The following KPNA3 variants were observed in gnomAD, a reference collection of about 807,000 sequenced individuals.
KPNA3 encodes the protein importin subunit alpha-4.
Under a neutral mutation model 73.8 loss-of-function variants are expected in KPNA3, and 13 were observed. The observed-to-expected ratio is 0.18, with a 90% CI of 0.11 to 0.28. The LOEUF (loss-of-function observed/expected upper bound fraction) is 0.28, where lower values mean the gene tolerates loss of function less well. Among genes scored for constraint, KPNA3 ranks in the 10% least tolerant of loss-of-function variants. KPNA3 has a pLI of 1.00. For missense variants in KPNA3, 360 were observed against 618.1 expected (o/e 0.58, Z 4.43); for synonymous variants, 186 against 206.9 (o/e 0.90, Z 0.87).
chr13:49,740,855 G>A (rs767878084), intron 2 of KPNA3, among the ~76,000 whole-genome samples: 1 of 150,458 alleles, frequency 6.6e-6, no homozygotes, highest in Non-Finnish European at 1.5e-5. Flanking sequence ...CATCCTACAT[G>A]AGTCTAGCTT....
intron 6 of KPNA3, among the ~76,000 whole-genome samples, chr13:49,728,860 C>T (rs951907937): frequency 6.6e-6 from 1 of 152,136 alleles, no homozygotes; most frequent in Non-Finnish European, 1.5e-5. Context: ...AGCAATTTTG[C>T]AAGAGAATCA....
In KPNA3 at chr13:49,730,519, C is replaced by CAAAAAAAAAAAAAAAAAAAA. The variant is rs55725741; in HGVS notation, c.383+1832_383+1851dup. Reference sequence around the variant, plus strand: ...TGGGCAACAGAGCGAGACTCTGTCTCAAAAAAAAAAAAAAAAAAAAAAAAA... The same window carrying CAAAAAAAAAAAAAAAAAAAA: ...TGGGCAACAGAGCGAGACTCTGTCTCAAAAAAAAAAAAAAAAAAAAAAAAAAAAAAAAAAAAAAAAAAAAA... On this transcript the variant is annotated intron_variant, in intron 6 of 16. Transcript: ENST00000261667. Among the ~76,000 whole-genome samples the CAAAAAAAAAAAAAAAAAAAA allele has an allele frequency of 5.5e-4, 15 of 27,294 alleles. 1 individual carries two copies. The highest frequency in any genetic ancestry group is 7.6e-4 in the Non-Finnish European group (12 of 15,770). 17.9% of individuals were successfully genotyped at this position (27,294 alleles called of 152,430 possible).
chr13:49,702,528 T>C (rs370457635), intron 15 of KPNA3, 48 bp from the exon 16 acceptor site: 51 of 1,000,216 alleles, frequency 5.1e-5, no homozygotes, highest in Non-Finnish European at 7.3e-5. Context: ...GATAAGGAGA[T>C]ACTAATCAAA....
At chr13:49,740,734 T>C (rs1954566222) in intron 2 of KPNA3, among the ~76,000 whole-genome samples, 1 of 152,188 alleles carries the variant, frequency 6.6e-6, no homozygotes, top group African/African-American at 2.4e-5. Context: ...TGTTCTACAG[T>C]AAAGGTCTTG....
rs538338299 is a variant in KPNA3 at position 49,792,560 on chromosome 13, G to A, written c.-54C>T. On this transcript the variant is annotated 5_prime_UTR_variant, in exon 1 of 17. Transcript: ENST00000261667. ...TCCTGCGGCTGCGGCGGCGGCGGCGGCGAATCTTGGAGCGGGAGGGGGAGG... is the reference window on the plus strand; with the variant it reads ...TCCTGCGGCTGCGGCGGCGGCGGCGACGAATCTTGGAGCGGGAGGGGGAGG... 6.4e-5 allele frequency: 65 copies of A among 1,011,998 alleles called. No individual in the cohort carries two copies. In the South Asian group the frequency reaches 7.6e-4, roughly 12 times the overall value. 62.7% of individuals were successfully genotyped at this position (1,011,998 alleles called of 1,614,324 possible). A position where few individuals can be genotyped will look rare whatever the true frequency, so the allele number is the denominator to read the frequency against.
chr13:49,777,608 C>T (rs2137600265), intron 1 of KPNA3, among the ~76,000 whole-genome samples: 1 of 152,094 alleles, frequency 6.6e-6, no homozygotes, highest in Non-Finnish European at 1.5e-5. Context: ...TCAAACAATC[C>T]TTGTGCCTCA....
intron 1 of KPNA3, among the ~76,000 whole-genome samples, chr13:49,781,358 T>G (rs1308744539): frequency 6.6e-6 from 1 of 152,238 alleles, no homozygotes; most frequent in Non-Finnish European, 1.5e-5. Context: ...TGGGACTCAG[T>G]GCCAGTTCTG....
At chr13:49,786,659 G>C (rs1482879287) in intron 1 of KPNA3, among the ~76,000 whole-genome samples, 1 of 152,084 alleles carries the variant, frequency 6.6e-6, no homozygotes, top group Non-Finnish European at 1.5e-5. Flanking sequence ...ATATACAAAG[G>C]CATGAAGAAG....
In KPNA3 at chr13:49,792,501, G is replaced by A. The variant is rs1209696440; in HGVS notation, c.6C>T (p.Ala2=). The A allele has an allele frequency of 5.7e-6, 9 of 1,572,240 alleles. No individual in the cohort carries two copies. Among genetic ancestry groups the A allele is most frequent in the Admixed American group, 1.8e-5 (1 of 56,338 alleles). Residue 2 remains alanine (A), a synonymous_variant, in exon 1 of 17, where the codon GCC becomes GCT. Coordinates refer to ENST00000261667, the MANE Select transcript of KPNA3 (RefSeq NM_002267.4). Reference sequence around the variant, plus strand: ...GGTGGTTCTCCAAGCTGGGGTTCTCGGCCATGGCTGCGCGCGGCTCCGGCG... The same window carrying A: ...GGTGGTTCTCCAAGCTGGGGTTCTCAGCCATGGCTGCGCGCGGCTCCGGCG... M[A]ENPSLENHRI...
intron 1 of KPNA3, among the ~76,000 whole-genome samples, chr13:49,750,640 A>G (rs537749792): frequency 3.3e-5 from 5 of 152,218 alleles, no homozygotes; most frequent in Non-Finnish European, 7.4e-5. Context: ...TTGGAAAAAA[A>G]AAAAAGGTTT....
chr13:49,758,753 T>TAC (rs68003085), intron 1 of KPNA3, among the ~76,000 whole-genome samples: 105,913 of 151,514 alleles, frequency 0.7, 39,029 homozygotes, highest in Non-Finnish European at 0.84. Flanking sequence ...CATATAAATA[T>TAC]ACACACACAC....
At chr13:49,705,377 CT>C (rs1954198102) in intron 15 of KPNA3, among the ~76,000 whole-genome samples, 1 of 148,450 alleles carries the variant, frequency 6.7e-6, no homozygotes, top group Non-Finnish European at 1.5e-5. Context: ...AAAAAAAAAG[CT>C]ATGTTGTCAA....
chr13:49,729,230 TG>T (rs1380307429), intron 6 of KPNA3, among the ~76,000 whole-genome samples: 1 of 152,070 alleles, frequency 6.6e-6, no homozygotes, highest in Non-Finnish European at 1.5e-5. Flanking sequence ...GGAAATAAGA[TG>T]GTATATCAGA....
chr13:49,713,003 G>C (rs1348244837), intron 10 of KPNA3, among the ~76,000 whole-genome samples: 1 of 151,028 alleles, frequency 6.6e-6, no homozygotes. Flanking sequence ...AATTGGCCCT[G>C]GCTCTCAAAA....
chr13:49,780,637 C>T (rs1370877465), intron 1 of KPNA3, among the ~76,000 whole-genome samples: 1 of 151,940 alleles, frequency 6.6e-6, no homozygotes, highest in East Asian at 1.9e-4. Context: ...TGTTCCCCAG[C>T]GAAAAGGTTT....
At chr13:49,791,701 G>GCAAC (rs993034888) in intron 1 of KPNA3, among the ~76,000 whole-genome samples, 26 of 147,902 alleles carry the variant, frequency 1.8e-4, no homozygotes, top group African/African-American at 6.3e-4. Context: ...GGAGGTCGGA[G>GCAAC]CAACCTCTTT....
At chr13:49,712,525 C>T (rs1954269154) in intron 10 of KPNA3, among the ~76,000 whole-genome samples, 1 of 150,966 alleles carries the variant, frequency 6.6e-6, no homozygotes, top group Non-Finnish European at 1.5e-5. Context: ...CAGAAATTAA[C>T]TCTCAGGAAC....
At chr13:49,757,332 A>G (rs1954720434) in intron 1 of KPNA3, among the ~76,000 whole-genome samples, 1 of 152,132 alleles carries the variant, frequency 6.6e-6, no homozygotes, top group Non-Finnish European at 1.5e-5. Context: ...AAAAACAAAA[A>G]ACCTCTCAAA....
At chr13:49,761,296 C>G (rs1954757771) in intron 1 of KPNA3, among the ~76,000 whole-genome samples, 1 of 152,214 alleles carries the variant, frequency 6.6e-6, no homozygotes, top group Admixed American at 6.5e-5. Context: ...CGAGCCGAAG[C>G]TGGACTGTAC....
Sources: allele counts gnomAD v4.1 joint callset (sites outside exome capture counted in the v4.1 genomes callset), GRCh38; gene constraint gnomAD v4.1.1; transcripts MANE v1.5; gene names NCBI Gene and HGNC (gene_info 2026-07-23, HGNC 2026-07-21).